The following CEACAM1 variants were observed in gnomAD, a reference collection of about 807,000 sequenced individuals.
CEACAM1 encodes CEA cell adhesion molecule 1.
A neutral mutation model predicts 49.1 loss-of-function variants in CEACAM1; 31 were observed. That is an observed-to-expected ratio of 0.63 (90% CI 0.47 to 0.85). CEACAM1 has a LOEUF of 0.85. CEACAM1 is among the 40% of genes least tolerant of loss of function. The pLI is 0.00. For missense variants in CEACAM1, 570 were observed against 645.3 expected, an observed-to-expected ratio of 0.88 and a Z score of 1.26; for synonymous variants, 244 against 247.8, an observed-to-expected ratio of 0.98 and a Z score of 0.14.
At chr19:42,518,774 A>G in intron 5 of CEACAM1, 174 bp downstream of exon 5, 2 of 730,106 alleles carry the variant, frequency 2.7e-6, no homozygotes, top group Non-Finnish European at 4.6e-6. Flanking sequence ...TGCTGGGATT[A>G]CAGGCGTGAG....
In CEACAM1 at chr19:42,507,522, A is replaced by G. The variant is rs986515373; in HGVS notation, c.*1587T>C. On this transcript the variant is annotated 3_prime_UTR_variant, in exon 9 of 9. Coordinates refer to ENST00000161559, the MANE Select transcript of CEACAM1 (RefSeq NM_001712.5). ...CTGGAGAAAGCCTCTTAGGCCTAACATGAGATCAGGTAAGCAATATAGAAT... is the reference window on the plus strand; with the variant it reads ...CTGGAGAAAGCCTCTTAGGCCTAACGTGAGATCAGGTAAGCAATATAGAAT... The G allele has an allele frequency of 2.0e-5, 3 of 152,196 alleles. No homozygotes were observed. The highest frequency in any genetic ancestry group is 7.2e-5 in the African/African-American group (3 of 41,448). 9.4% of individuals were successfully genotyped at this position (152,196 alleles called of 1,614,324 possible).
chr19:42,509,044 T>A lies in CEACAM1; in HGVS notation c.*65A>T. On this transcript the variant is annotated 3_prime_UTR_variant, in exon 9 of 9. Transcript: ENST00000161559. ...CCTCTACCCCTACAGGGGAAAGGAA[T>A]CTCCTAGTGATGAGGGTGAGAGACT... 1 of 1,601,390 alleles carries A rather than the reference T, an allele frequency of 6.2e-7. No individual in the cohort carries two copies. Among genetic ancestry groups the A allele is most frequent in the Non-Finnish European group, 8.5e-7 (1 of 1,170,160 alleles).
At position 42,526,581 on chromosome 19, in the gene CEACAM1, G is replaced by T. The variant is rs531150584; in HGVS notation, c.424+460C>A. Among the ~76,000 whole-genome samples, 10 of 152,336 alleles carry T rather than the reference G, an allele frequency of 6.6e-5. No individual in the cohort carries two copies. The South Asian group carries it at 2.1e-3, about 32-fold the overall frequency. On this transcript the variant is annotated intron_variant, in intron 2 of 8. Coordinates refer to ENST00000161559, the MANE Select transcript of CEACAM1 (RefSeq NM_001712.5). ...TCTTGTTCCTAGTCAGCCCTGCCCA[G>T]GAGGCCACAATCTAGCCCTGGCCCA...
At position 42,527,093 on chromosome 19, in the gene CEACAM1, G is replaced by A; in HGVS notation, c.372C>T (p.Val124=). 6.2e-7 allele frequency: 1 copy of A among 1,613,260 alleles called. No individual in the cohort carries two copies. Among genetic ancestry groups the A allele is most frequent in the Middle Eastern group, 1.7e-4 (1 of 6,050 alleles). The change falls in exon 2 of 9, where the codon GTC becomes GTT. Residue 124 remains valine (V), a synonymous_variant. Transcript: ENST00000161559. ...CTTCATTCACAAGATCTGACTTTAT[G>A]ACTTGTAGGGTGTAGAATCCTGTGT... ...QNDTGFYTLQ[V]IKSDLVNEEA...
At position 42,527,270 on chromosome 19, in the gene CEACAM1, G is replaced by A; in HGVS notation, c.195C>T (p.Tyr65=). The change falls in exon 2 of 9, where the codon TAC becomes TAT. Residue 65 remains tyrosine (Y), a synonymous_variant. Transcript: ENST00000161559. ...CCACTCTTTCCCCTTTGTACCAGCT[G>A]TAGCCAAAAAGTTGCTGGGGCAGAT... ...VHNLPQQLFG[Y]SWYKGERVDG... 6.2e-7 allele frequency: 1 copy of A among 1,614,022 alleles called. No individual in the cohort carries two copies. Among genetic ancestry groups the A allele is most frequent in the Non-Finnish European group, 8.5e-7 (1 of 1,179,958 alleles).
intron 5 of CEACAM1, chr19:42,514,892 G>T: frequency 1.9e-6 from 1 of 537,138 alleles, no homozygotes. Context: ...GATAATAGTA[G>T]TAGTAATAGC....
rs1220949819 is a variant in CEACAM1, at chr19:42,512,499, G to T, written c.1247-20C>A. ...CATTATCTGTCATGGAGAGAAAAGA[G>T]GAGAAGAAATGAAAGTGAAATTATT... is the stretch of plus-strand genomic sequence containing the variant. On this transcript the variant is annotated intron_variant, in intron 5 of 8. Coordinates refer to ENST00000161559, the MANE Select transcript of CEACAM1 (RefSeq NM_001712.5). The T allele has an allele frequency of 1.9e-6, 3 of 1,609,854 alleles. No homozygotes were observed. Among genetic ancestry groups the T allele is most frequent in the Non-Finnish European group, 2.5e-6 (3 of 1,176,802 alleles).
At chr19:42,512,125 C>T (rs2041473183) in intron 6 of CEACAM1, among the ~76,000 whole-genome samples, 1 of 152,140 alleles carries the variant, frequency 6.6e-6, no homozygotes, top group Admixed American at 6.6e-5. Context: ...GAGTCTCTTC[C>T]TCTAGATTAG....
At chr19:42,515,981 C>G (rs150010761) in intron 5 of CEACAM1, among the ~76,000 whole-genome samples, 260 of 152,226 alleles carry the variant, frequency 1.7e-3, no homozygotes, top group African/African-American at 5.8e-3. Flanking sequence ...CAAAATTCAA[C>G]ATTCTTTCAT....
At position 42,521,656 on chromosome 19, in the gene CEACAM1, C is replaced by T. The variant is rs1461907126; in HGVS notation, c.704-135G>A. 50 of 1,527,526 alleles carry T rather than the reference C, an allele frequency of 3.3e-5. 1 individual carries two copies. The Middle Eastern group carries it at 1.0e-3, about 31-fold the overall frequency. 94.6% of individuals were successfully genotyped at this position (1,527,526 alleles called of 1,614,324 possible). ...CCTAACCAAACCTCCATTGTGTCCA[C>T]TGAGTCTGGGTCTGAGACATTCACC... On this transcript the variant is annotated intron_variant, in intron 3 of 8. Transcript: ENST00000161559.
chr19:42,514,843 T>C (rs2041559033), intron 5 of CEACAM1, among the ~76,000 whole-genome samples: 1 of 152,194 alleles, frequency 6.6e-6, no homozygotes. Flanking sequence ...GAGGTGGATC[T>C]GAGATTTGAC....
At chr19:42,510,859 A>T (rs1168545541) in intron 8 of CEACAM1, 30 bp downstream of exon 8, 1 of 1,590,604 alleles carries the variant, frequency 6.3e-7, no homozygotes, top group Admixed American at 1.7e-5. Context: ...TCCATGAGAA[A>T]ATAAGCCCAT....
intron 8 of CEACAM1, 37 bp downstream of exon 8, chr19:42,510,852 A>G (rs371121061): frequency 9.5e-6 from 15 of 1,576,356 alleles, no homozygotes; most frequent in Non-Finnish European, 1.3e-5. Flanking sequence ...AATCATTTCC[A>G]TGAGAAAATA....
rs745777279 is a variant in CEACAM1, at chr19:42,509,219, CTTCA to C, written c.1467_1470del (p.Asn489LysfsTer7). On this transcript the variant is annotated frameshift_variant, in exon 9 of 9. Transcript: ENST00000161559. LOFTEE classifies it low-confidence loss of function (END_TRUNC). Reference sequence around the variant, plus strand: ...TCAAAGTTCAGGGTAGAATAAGTAACTTCATTCATCTGAAAAGCACAAATAATGA... The same window carrying C: ...TCAAAGTTCAGGGTAGAATAAGTAACTTCATCTGAAAAGCACAAATAATGA... 2 of 1,609,048 alleles carry C rather than the reference CTTCA, an allele frequency of 1.2e-6. No individual in the cohort carries two copies. The highest frequency in any genetic ancestry group is 1.7e-6 in the Non-Finnish European group (2 of 1,177,446).
chr19:42,525,224 ATT>A (rs538996240), intron 2 of CEACAM1, among the ~76,000 whole-genome samples: 68 of 130,972 alleles, frequency 5.2e-4, no homozygotes, highest in Admixed American at 6.8e-4. Flanking sequence ...AGGCCTGAAC[ATT>A]TTTTTTTTTT....
At chr19:42,521,107 A>G in intron 4 of CEACAM1, 160 bp downstream of exon 4, 1 of 765,706 alleles carries the variant, frequency 1.3e-6, no homozygotes, top group South Asian at 1.8e-5. Flanking sequence ...CAAAGGGAAG[A>G]GAGTCTGCAC....
Position 42,519,225 on chromosome 19 carries a change from T to C in CEACAM1, c.969A>G (p.Pro323=). The change falls in exon 5 of 9, where the codon CCA becomes CCG. Residue 323 remains proline, a synonymous_variant. Transcript: ENST00000161559. The stretch of plus-strand genomic sequence containing the variant: ...CTTTGATTTGGGGCTTTGCTACTAC[T>C]GGACTTAGCTCTGTGGACAAGCAGA... ...VKTIIVTELS[P]VVAKPQIKAS... 1 of 1,614,074 alleles carries C rather than the reference T, an allele frequency of 6.2e-7. No homozygotes were observed. The highest frequency in any genetic ancestry group is 2.2e-5 in the East Asian group (1 of 44,878).
intron 5 of CEACAM1, chr19:42,516,920 T>C: frequency 2.5e-6 from 1 of 393,048 alleles, no homozygotes; most frequent in Non-Finnish European, 4.9e-6. Context: ...ACAACAACAA[T>C]AAAACAAACA....
Position 42,528,324 on chromosome 19 carries a change from C to A in CEACAM1, c.51G>T (p.Gly17=). The change falls in exon 1 of 9, where the codon GGG becomes GGT. Residue 17 remains glycine, a synonymous_variant. Coordinates refer to ENST00000161559, the MANE Select transcript of CEACAM1 (RefSeq NM_001712.5). ...TCCTCCCCTCACCTGTGAGCAGAAG[C>A]CCCTGCCAGGGTACACGCACTCTGT... ...PLHRVRVPWQ[G]LLLTASLLTF... is the part of the protein sequence containing the mutation. 6.2e-7 allele frequency: 1 copy of A among 1,613,756 alleles called. No individual in the cohort carries two copies. The highest frequency in any genetic ancestry group is 8.5e-7 in the Non-Finnish European group (1 of 1,179,782).
Sources: gnomAD v4.1 joint callset for allele counts (sites outside exome capture counted in the v4.1 genomes callset) on GRCh38, gnomAD v4.1.1 for gene constraint, MANE v1.5 for transcripts, NCBI Gene and HGNC (gene_info 2026-07-23, HGNC 2026-07-21) for gene names.